The following LAMA5 variants were observed in gnomAD, a reference collection of about 807,000 sequenced individuals.
LAMA5 encodes the protein laminin subunit alpha 5.
A neutral mutation model predicts 433.4 loss-of-function variants in LAMA5; 260 were observed. The ratio of observed to expected loss-of-function variants is 0.60; its 90% CI spans 0.54 to 0.66. The LOEUF (loss-of-function observed/expected upper bound fraction) is 0.66, where lower values mean the gene tolerates loss of function less well. LAMA5 is among the 30% of genes least tolerant of loss of function. The pLI is 0.00. For synonymous variants in LAMA5, 2,620 were observed against 2,226.6 expected, an observed-to-expected ratio of 1.18 and a Z score of -4.97; for missense variants, 5,378 against 5,258.5, an observed-to-expected ratio of 1.02 and a Z score of -0.70.
rs765607878 is a variant in LAMA5 at position 62,314,946 on chromosome 20, C to A, written c.8049G>T (p.Val2683=). 7 of 1,597,708 alleles carry A rather than the reference C, an allele frequency of 4.4e-6. No individual in the cohort carries two copies. The highest frequency in any genetic ancestry group is 4.0e-5 in the African/African-American group (3 of 74,832). The change falls in exon 60 of 80, where the codon GTG becomes GTT. Residue 2683 remains valine (V), a splice_region_variant and synonymous_variant. Coordinates refer to ENST00000252999, the MANE Select transcript of LAMA5 (RefSeq NM_005560.6). ...GQAVLDAGHS[V]STLEKTLPQL... ...GGGGCAGCGTCTTCTCCAGGGTGGA[C>A]ACTGCAGAGAGGGAGACCTGAGACC... is the stretch of plus-strand genomic sequence containing the variant.
chr20:62,311,383 C>T lies in LAMA5; in HGVS notation c.9942+18G>A. ...TCCAGCCACCCCAGCTCTGCCTGCT[C>T]ACCCCTGGGGTGCCCACCTTCCGGG... On this transcript the variant is annotated intron_variant, in intron 72 of 79. Transcript: ENST00000252999. The T allele has an allele frequency of 6.5e-7, 1 of 1,536,670 alleles. No individual in the cohort carries two copies. Among genetic ancestry groups the T allele is most frequent in the Non-Finnish European group, 8.8e-7 (1 of 1,139,312 alleles).
In LAMA5 at chr20:62,322,145, A is replaced by G; in HGVS notation, c.6370T>C (p.Cys2124Arg). The change falls in exon 48 of 80, where the codon TGT (cysteine) becomes CGT (arginine). Residue 2124 changes from cysteine (C) to arginine (R), a missense_variant. Transcript: ENST00000252999. ...TTGCAGCGGCCCGTGTGAGGGTCACAGCGGCCCCCAGGGCACTGGCAGCCT... is the reference window on the plus strand; with the variant it reads ...TTGCAGCGGCCCGTGTGAGGGTCACGGCGGCCCCCAGGGCACTGGCAGCCT... ...CRRCQCPGGR[C>R]DPHTGRCNCP... 6.9e-6 allele frequency: 11 copies of G among 1,599,504 alleles called. No individual in the cohort carries two copies. The highest frequency in any genetic ancestry group is 8.5e-6 in the Non-Finnish European group (10 of 1,175,980).
In LAMA5 at chr20:62,317,005, G is replaced by C; in HGVS notation, c.7530C>G (p.Asn2510Lys). The C allele has an allele frequency of 6.5e-7, 1 of 1,540,326 alleles. No homozygotes were observed. The highest frequency in any genetic ancestry group is 1.2e-5 in the South Asian group (1 of 81,862). The stretch of plus-strand genomic sequence containing the variant: ...TGGCCCTCTGGGTGAGGCGGTCCTG[G>C]TTGACGTCCAGGATGATGCTGCAGC... ...LNLSSIILDV[N>K]QDRLTQRAIE... Residue 2510 changes from asparagine (N) to lysine (K), a missense_variant, in exon 56 of 80, where the codon AAC becomes AAG. Physicochemically the swap from Asn to Lys is moderately conservative, Grantham distance 94. Transcript: ENST00000252999.
chr20:62,311,089 C>A lies in LAMA5; in HGVS notation c.10094G>T (p.Ser3365Ile). The A allele has an allele frequency of 6.3e-7, 1 of 1,577,314 alleles. No homozygotes were observed. ...GILARHRNWP[S>I]LSMHVLPRSS... ...TCGCGGGAGGACGTGCATGGAGAGACTGGGCCTGGAAGCGGAGCTGGCGTC... is the reference window on the plus strand; with the variant it reads ...TCGCGGGAGGACGTGCATGGAGAGAATGGGCCTGGAAGCGGAGCTGGCGTC... The change falls in exon 74 of 80, where the codon AGT becomes ATT. Residue 3365 changes from serine (S) to isoleucine (I), a missense_variant. Transcript: ENST00000252999.
At chr20:62,362,658 G>C (rs543845792) in intron 1 of LAMA5, 106 bp from the exon 2 acceptor site, 1 of 1,033,604 alleles carries the variant, frequency 9.7e-7, no homozygotes, top group African/African-American at 1.7e-5. Flanking sequence ...CACTGAGCTG[G>C]TTCCACGCCC....
chr20:62,324,457 C>A lies in LAMA5; in HGVS notation c.5627G>T (p.Gly1876Val), dbSNP rs148177752. The part of the protein sequence containing the change: ...CHGHSDRCLP[G>V]SGVCVDCQHN... Reference sequence around the variant, plus strand: ...CCTACTCACCACACAGACGCCAGAGCCAGGGAGGCAGCGGTCTGAGTGTCC... The same window carrying A: ...CCTACTCACCACACAGACGCCAGAGACAGGGAGGCAGCGGTCTGAGTGTCC... The change falls in exon 42 of 80, where the codon GGC (glycine) becomes GTC (valine). Residue 1876 changes from glycine (G) to valine (V), a missense_variant. Coordinates refer to ENST00000252999, the MANE Select transcript of LAMA5 (RefSeq NM_005560.6). This position sits in a 1 kb window ranked among gnomAD's most constrained non-coding sequence, Gnocchi z 4.4. 9,441 of 1,611,894 alleles carry A rather than the reference C, an allele frequency of 5.9e-3. 53 individuals are homozygous for A. The highest frequency in any genetic ancestry group is 6.7e-3 in the Non-Finnish European group (7,857 of 1,179,460).
rs1233507035 is a variant in LAMA5 at position 62,336,435 on chromosome 20, G to A, written c.2228C>T (p.Pro743Leu). Residue 743 changes from proline (P) to leucine (L), a missense_variant, in exon 18 of 80, where the codon CCC becomes CTC. Pro to Leu is a moderately conservative substitution (Grantham distance 98). Coordinates refer to ENST00000252999, the MANE Select transcript of LAMA5 (RefSeq NM_005560.6). ...VDPALPEAQV[P>L]CMCRAHVEGP... is the part of the protein sequence containing the mutation. ...CTCCACGTGAGCCCGGCACATACAG[G>A]GAACCTGTGCCTGGGAGAGGACAAG... 1 of 1,612,228 alleles carries A rather than the reference G, an allele frequency of 6.2e-7. No individual in the cohort carries two copies. The highest frequency in any genetic ancestry group is 1.7e-4 in the Middle Eastern group (1 of 6,058).
At chr20:62,352,716 C>T (rs1159779486) in intron 3 of LAMA5, among the ~76,000 whole-genome samples, 2 of 152,206 alleles carry the variant, frequency 1.3e-5, no homozygotes, top group African/African-American at 4.8e-5. Flanking sequence ...GGAGGAGCAC[C>T]CACTCCCACC....
At chr20:62,312,588 C>T (rs2146043565) in intron 67 of LAMA5, 44 bp downstream of exon 67, 1 of 1,599,910 alleles carries the variant, frequency 6.3e-7, no homozygotes, top group Non-Finnish European at 8.5e-7. Flanking sequence ...AGCCTACCGC[C>T]CCAACAGCCT....
At chr20:62,335,726 C>A (rs1440643793) in intron 18 of LAMA5, among the ~76,000 whole-genome samples, 1 of 142,016 alleles carries the variant, frequency 7.0e-6, no homozygotes, top group African/African-American at 2.6e-5. Context: ...TCACAGGCTC[C>A]AGCACCCCGA....
At chr20:62,366,881 G>T in intron 1 of LAMA5, 68 bp downstream of exon 1, 1 of 1,228,514 alleles carries the variant, frequency 8.1e-7, no homozygotes. Context: ...CGCTCCCCCT[G>T]GGGTCGGGCC....
chr20:62,310,157 C>CG, intron 77 of LAMA5, 21 bp downstream of exon 77: 1 of 1,612,000 alleles, frequency 6.2e-7, no homozygotes, highest in East Asian at 2.2e-5. Context: ...TGCCCTGGCA[C>CG]GCCACCTCTG....
Position 62,313,324 on chromosome 20 carries a change from C to A in LAMA5, c.8792+3G>T. 6.4e-7 allele frequency: 1 copy of A among 1,552,274 alleles called. No homozygotes were observed. The highest frequency in any genetic ancestry group is 1.2e-5 in the South Asian group (1 of 84,000). ...GGAGACGGGGAGGGCAGGCCACACG[C>A]ACCGGGCACAAGGCCTGTCCACAGC... On this transcript the variant is annotated splice_donor_region_variant and intron_variant, in intron 64 of 79. Transcript: ENST00000252999.
Position 62,338,384 on chromosome 20 carries a change from G to A in LAMA5, c.1619-15C>T, listed in dbSNP as rs1476369614. ...ACACTGGCAGGCTGCAGGAAAGGGT[G>A]GCCCACATGCTTGGTCAGAGGCACC... is the stretch of plus-strand genomic sequence containing the variant. On this transcript the variant is annotated splice_polypyrimidine_tract_variant and intron_variant, in intron 12 of 79. Transcript: ENST00000252999. The A allele has an allele frequency of 6.2e-7, 1 of 1,606,454 alleles. No individual in the cohort carries two copies. The highest frequency in any genetic ancestry group is 1.3e-5 in the African/African-American group (1 of 74,868).
rs780286336 is a variant in LAMA5 at position 62,330,817 on chromosome 20, G to C, written c.3778C>G (p.Pro1260Ala). The change falls in exon 30 of 80, where the codon CCA becomes GCA. Residue 1260 changes from proline to alanine, a missense_variant. Physicochemically the swap from Pro to Ala is conservative, Grantham distance 27 (BLOSUM62 -1). Transcript: ENST00000252999. ...GGGGGCCGAGGTCGGGGTCCAGCTG[G>C]GGACATGGCTGGAGTGAGATCCTGC... ...HAQDLTPAMS[P>A]AGPRPRPPTA... 26 of 1,552,530 alleles carry C rather than the reference G, an allele frequency of 1.7e-5. No homozygotes were observed. The highest frequency in any genetic ancestry group is 2.3e-5 in the Non-Finnish European group (26 of 1,149,280).
Position 62,319,898 on chromosome 20 carries a change from G to A in LAMA5, c.6760-103C>T, listed in dbSNP as rs573277155. The A allele has an allele frequency of 7.0e-4, 543 of 775,322 alleles. 5 individuals carry two copies. Among genetic ancestry groups the A allele is most frequent in the Admixed American group, 1.5e-3 (62 of 41,150 alleles). 48.0% of individuals were successfully genotyped at this position (775,322 alleles called of 1,614,324 possible). On this transcript the variant is annotated intron_variant, in intron 50 of 79. Coordinates refer to ENST00000252999, the MANE Select transcript of LAMA5 (RefSeq NM_005560.6). The stretch of plus-strand genomic sequence containing the variant: ...GGAGCGCCGAGGGTCCCAGGGAAGA[G>A]GGGCCCCTTATCTATTTAACTCTCT...
At chr20:62,355,988 T>C (rs674560) in intron 2 of LAMA5, among the ~76,000 whole-genome samples, 135,017 of 152,238 alleles carry the variant, frequency 0.89, 61,093 homozygotes, top group Non-Finnish European at 0.98. Flanking sequence ...GGCTGCGCTC[T>C]CCTCGGCCCG....
rs749001348 is a variant in LAMA5 at position 62,318,542 on chromosome 20, A to G, written c.7151T>C (p.Leu2384Pro). The change falls in exon 53 of 80, where the codon CTG becomes CCG. Residue 2384 changes from leucine (L) to proline (P), a missense_variant. Leu to Pro is a moderately conservative substitution (Grantham distance 98, BLOSUM62 -3). Coordinates refer to ENST00000252999, the MANE Select transcript of LAMA5 (RefSeq NM_005560.6). ...LAQHEAGLMD[L>P]REALNRAVDA... ...CACTGCCCGGTTCAAAGCCTCTCGC[A>G]GGTCCATGAGGCCGGCCTCGTGCTG... is the stretch of plus-strand genomic sequence containing the variant. The G allele has an allele frequency of 6.2e-6, 10 of 1,610,050 alleles. No homozygotes were observed. Among genetic ancestry groups the G allele is most frequent in the Non-Finnish European group, 5.1e-6 (6 of 1,179,062 alleles).
chr20:62,333,906 G>A lies in LAMA5; in HGVS notation c.2873C>T (p.Ala958Val). The A allele has an allele frequency of 6.9e-6, 11 of 1,592,426 alleles. No individual in the cohort carries two copies. The highest frequency in any genetic ancestry group is 9.4e-6 in the Non-Finnish European group (11 of 1,166,770). Residue 958 changes from alanine (A) to valine (V), a missense_variant, in exon 23 of 80, where the codon GCC becomes GTC. Physicochemically the swap from Ala to Val is moderately conservative, Grantham distance 64. Coordinates refer to ENST00000252999, the MANE Select transcript of LAMA5 (RefSeq NM_005560.6). ...VREEGRSATCANCTAQSQPVA... is the reference protein window; with the variant it reads ...VREEGRSATCVNCTAQSQPVA... ...GGCCCAGGGACCCCACTCACAGTTG[G>A]CGCAGGTGGCCGACCTGCCCTCCTC... is the stretch of plus-strand genomic sequence containing the variant.
Sources: allele counts gnomAD v4.1 joint callset (sites outside exome capture counted in the v4.1 genomes callset), GRCh38; gene constraint gnomAD v4.1.1; non-coding constraint Gnocchi (gnomAD v3.1); transcripts MANE v1.5; gene names NCBI Gene and HGNC (gene_info 2026-07-23, HGNC 2026-07-21).